PRR16: variants seen among roughly 807,000 people sequenced by gnomAD.
PRR16 encodes the protein protein Largen.
A neutral mutation model predicts 18.2 loss-of-function variants in PRR16; 6 were observed. That is an observed-to-expected ratio of 0.33 (90% CI 0.18 to 0.65). The LOEUF is 0.65. PRR16 is among the 30% of genes least tolerant of loss of function. The pLI, the probability that PRR16 is intolerant of heterozygous loss-of-function variation, is 0.74. For missense variants in PRR16, 412 were observed against 376.6 expected, an observed-to-expected ratio of 1.09 and a Z score of -0.78; for synonymous variants, 151 against 147.8, an observed-to-expected ratio of 1.02 and a Z score of -0.16.
chr5:120,496,550 T>C (rs1001213071), intron 1 of PRR16, among the ~76,000 whole-genome samples: 3 of 152,076 alleles, frequency 2.0e-5, no homozygotes, highest in Non-Finnish European at 4.4e-5. Context: ...CTTGTAGTGA[T>C]ATTCCCAGTT....
chr5:120,755,411 A>C, the PRR16 span, among the ~76,000 whole-genome samples: 148,437 of 152,034 alleles, frequency 0.98, 72,573 homozygotes, highest in Non-Finnish European at 1. Context: ...CAGTCTCCAG[A>C]GTCTATTGTT....
intron 1 of PRR16, among the ~76,000 whole-genome samples, chr5:120,545,785 T>A (rs74581072): frequency 0.05 from 7,582 of 152,166 alleles, 240 homozygotes; most frequent in East Asian, 0.1. Context: ...GATCTTTTTT[T>A]AAAAATACTT....
chr5:120,628,778 A>C (rs1754961367), intron 1 of PRR16, among the ~76,000 whole-genome samples: 1 of 151,796 alleles, frequency 6.6e-6, no homozygotes, highest in African/African-American at 2.4e-5. Flanking sequence ...ATCTAACAGT[A>C]AGCATCTTAA....
At chr5:120,771,104 G>A in the PRR16 span, among the ~76,000 whole-genome samples, 1 of 151,958 alleles carries the variant, frequency 6.6e-6, no homozygotes, top group South Asian at 2.1e-4. Context: ...AATTAAGTAA[G>A]TTAGATGTAT....
chr5:120,772,242 T>C, the PRR16 span, among the ~76,000 whole-genome samples: 3 of 152,110 alleles, frequency 2.0e-5, no homozygotes, highest in African/African-American at 7.2e-5. Context: ...TCCAAAATCC[T>C]AAGATGTTTC....
At chr5:120,500,406 T>C (rs1178840913) in intron 1 of PRR16, among the ~76,000 whole-genome samples, 1 of 152,192 alleles carries the variant, frequency 6.6e-6, no homozygotes, top group Non-Finnish European at 1.5e-5. Context: ...TGATATATAA[T>C]GTCCAGGGTT....
At chr5:120,700,294 A>C in the PRR16 span, among the ~76,000 whole-genome samples, 3 of 152,142 alleles carry the variant, frequency 2.0e-5, no homozygotes, top group Admixed American at 2.0e-4. Context: ...GAGTGATAAC[A>C]GGCTTTAAAT....
chr5:120,645,799 G>A (rs1259087365), intron 1 of PRR16, among the ~76,000 whole-genome samples: 1 of 151,694 alleles, frequency 6.6e-6, no homozygotes, highest in Non-Finnish European at 1.5e-5. Flanking sequence ...CAATTTATCT[G>A]CAGCACTTCC....
the PRR16 span, among the ~76,000 whole-genome samples, chr5:120,738,202 T>A: frequency 2.0e-5 from 3 of 152,228 alleles, no homozygotes; most frequent in East Asian, 1.9e-4. Context: ...TTTGACAGCC[T>A]TTTGTAAAGC....
At chr5:120,785,968 G>T in the PRR16 span, among the ~76,000 whole-genome samples, 2 of 141,078 alleles carry the variant, frequency 1.4e-5, no homozygotes. Context: ...ATATATTTTA[G>T]TCATTCTTTA....
In PRR16 at chr5:120,666,365, C is replaced by T. The variant is rs1451946118; in HGVS notation, c.160-19589C>T. Among the ~76,000 whole-genome samples, 9 of 152,166 alleles carry T rather than the reference C, an allele frequency of 5.9e-5. No homozygotes were observed. The East Asian group carries it at 1.6e-3, about 26-fold the overall frequency. On this transcript the variant is annotated intron_variant, in intron 1 of 1. Transcript: ENST00000407149. ...AGCTTAAGGAGATTTTGGGCTGAGA[C>T]AATGGGGTTTTCTAGATATACAATC... is the stretch of plus-strand genomic sequence containing the variant.
intron 1 of PRR16, among the ~76,000 whole-genome samples, chr5:120,563,520 C>T (rs774073545): frequency 6.6e-6 from 1 of 152,192 alleles, no homozygotes. Flanking sequence ...TGGCCACCAC[C>T]ACCAACAGCC....
chr5:120,532,161 T>C (rs1751572084), intron 1 of PRR16, among the ~76,000 whole-genome samples: 1 of 152,210 alleles, frequency 6.6e-6, no homozygotes. Flanking sequence ...GGGAAACTAA[T>C]GTTGCCCAAT....
intron 1 of PRR16, among the ~76,000 whole-genome samples, chr5:120,654,087 C>G (rs1427840344): frequency 1.3e-5 from 2 of 152,010 alleles, no homozygotes; most frequent in African/African-American, 4.8e-5. Flanking sequence ...TAGACCCAGC[C>G]AATAGAGTTT....
At chr5:120,657,080 C>A (rs1173894695) in intron 1 of PRR16, among the ~76,000 whole-genome samples, 3 of 151,920 alleles carry the variant, frequency 2.0e-5, no homozygotes, top group Admixed American at 2.0e-4. Flanking sequence ...ATGGAAAAAT[C>A]ATCACAAAAT....
chr5:120,784,256 C>T, the PRR16 span, among the ~76,000 whole-genome samples: 1 of 152,196 alleles, frequency 6.6e-6, no homozygotes, highest in Non-Finnish European at 1.5e-5. Flanking sequence ...TGTGGTAGTT[C>T]TACTGTTAGT....
chr5:120,769,380 T>C, the PRR16 span, among the ~76,000 whole-genome samples: 1 of 151,782 alleles, frequency 6.6e-6, no homozygotes, highest in Non-Finnish European at 1.5e-5. Flanking sequence ...ACATGAGATC[T>C]ACCCTCTTAA....
the PRR16 span, among the ~76,000 whole-genome samples, chr5:120,742,462 C>T: frequency 2.6e-5 from 4 of 151,260 alleles, no homozygotes; most frequent in African/African-American, 4.8e-5. Context: ...TTAATATTAG[C>T]TACCCCTTGA....
intron 1 of PRR16, 28 bp downstream of exon 1, chr5:120,464,673 T>C: frequency 6.6e-7 from 1 of 1,522,206 alleles, no homozygotes; most frequent in South Asian, 1.2e-5. Context: ...GGGGAGGGAG[T>C]TCGGCACCCT....
Sources: allele counts gnomAD v4.1 joint callset (sites outside exome capture counted in the v4.1 genomes callset), GRCh38; gene constraint gnomAD v4.1.1; transcripts MANE v1.5; gene names NCBI Gene and HGNC (gene_info 2026-07-23, HGNC 2026-07-21).